Variants in TTN observed in about 807,000 individuals in gnomAD.
The protein encoded by TTN is titin.
In TTN, 1,525 loss-of-function variants were observed where a neutral mutation model predicts 3,223.0. That is an observed-to-expected ratio of 0.47 (90% CI 0.45 to 0.49). The LOEUF is 0.49. TTN is among the 20% of genes least tolerant of loss of function. TTN has a pLI of 0.00. For missense variants in TTN, 40,786 were observed against 43,424.0 expected (o/e 0.94, Z 5.40); for synonymous variants, 14,094 against 15,161.0 (o/e 0.93, Z 5.17).
chr2:178,712,046 G>A lies in TTN; in HGVS notation c.27784C>T (p.Leu9262=). ...KMHFRNNVAT[L]VFNQVDINDS... The stretch of plus-strand genomic sequence containing the variant: ...TTAATATCAACCTGGTTGAAAACCA[G>A]TGTAGCAACATTATTCCTAAAATGC... Residue 9262 remains leucine (L), a synonymous_variant, in exon 96 of 363, where the codon CTG becomes TTG. Coordinates refer to ENST00000589042, the MANE Select transcript of TTN (RefSeq NM_001267550.2). 1 of 1,613,830 alleles carries A rather than the reference G, an allele frequency of 6.2e-7. No individual in the cohort carries two copies. Among genetic ancestry groups the A allele is most frequent in the Non-Finnish European group, 8.5e-7 (1 of 1,179,784 alleles).
chr2:178,647,227 C>A (rs1247283203), intron 214 of TTN, 83 bp from the exon 215 acceptor site: 39 of 1,135,968 alleles, frequency 3.4e-5, no homozygotes, highest in Non-Finnish European at 4.7e-5. Flanking sequence ...AACCTAGTTA[C>A]ATTAAGTAAC....
At chr2:178,652,212 C>T in intron 203 of TTN, 33 bp from the exon 204 acceptor site, 2 of 1,612,526 alleles carry the variant, frequency 1.2e-6, no homozygotes, top group Non-Finnish European at 1.7e-6. Context: ...CATTGTTAGA[C>T]AAAGTAAAGA....
At chr2:178,689,407 A>C (rs749187316) in intron 123 of TTN, 34 bp from the exon 124 acceptor site, 1 of 1,611,174 alleles carries the variant, frequency 6.2e-7, no homozygotes, top group Non-Finnish European at 8.5e-7. Flanking sequence ...AAAATTTGTC[A>C]AAAAGGCCAA....
chr2:178,651,609 G>C (rs994718321), intron 206 of TTN, 57 bp downstream of exon 206: 2 of 1,611,780 alleles, frequency 1.2e-6, no homozygotes, highest in Non-Finnish European at 8.5e-7. Flanking sequence ...CAGAACAGTA[G>C]AATATGACAC....
In TTN at chr2:178,595,800, CCTGGAACAT is replaced by C; in HGVS notation, c.57545_57553del (p.Asp19182_Pro19184del). 4 of 1,597,744 alleles carry C rather than the reference CCTGGAACAT, an allele frequency of 2.5e-6. No individual in the cohort carries two copies. Among genetic ancestry groups the C allele is most frequent in the Non-Finnish European group, 3.4e-6 (4 of 1,172,292 alleles). On this transcript the variant is annotated inframe_deletion and splice_region_variant, in exon 295 of 363. Transcript: ENST00000589042. ...AGCTAGGAATGGTGTTCCAACGGGACCTGGAACATCTGGAAATAAGAAGAAAATAATTCA... is the reference window on the plus strand; with the variant it reads ...AGCTAGGAATGGTGTTCCAACGGGACCTGGAAATAAGAAGAAAATAATTCA...
intron 217 of TTN, among the ~76,000 whole-genome samples, chr2:178,645,541 A>G (rs2061804111): frequency 6.6e-6 from 1 of 152,138 alleles, no homozygotes; most frequent in Non-Finnish European, 1.5e-5. Context: ...TTACTGCAAT[A>G]TTAAAAATAT....
Position 178,731,096 on chromosome 2 carries a change from A to G in TTN, c.17569T>C (p.Phe5857Leu), listed in dbSNP as rs779004240. The change falls in exon 60 of 363, where the codon TTT (phenylalanine) becomes CTT (leucine). Residue 5857 changes from phenylalanine to leucine, a missense_variant. Coordinates refer to ENST00000589042, the MANE Select transcript of TTN (RefSeq NM_001267550.2). ...SGTKEITAKW[F>L]KDGQELTLGS... ...AGGGTCAGTTCTTGGCCATCTTTAA[A>G]CCATTTGGCTGTAATCTCCTTAGTC... 7 of 1,613,610 alleles carry G rather than the reference A, an allele frequency of 4.3e-6. No homozygotes were observed. In the Admixed American group the frequency reaches 1.2e-4, roughly 27 times the overall value.
chr2:178,748,451 G>C lies in TTN; in HGVS notation c.11311+4673C>G, dbSNP rs774529864. The C allele has an allele frequency of 4.3e-6, 7 of 1,612,990 alleles. No individual in the cohort carries two copies. Among genetic ancestry groups the C allele is most frequent in the South Asian group, 2.2e-5 (2 of 91,062 alleles). ...GTCAGGTTGTAACGTTTCAGGGCTAGGAATTTTTTCTTTATAATGTATTTC... is the reference window on the plus strand; with the variant it reads ...GTCAGGTTGTAACGTTTCAGGGCTACGAATTTTTTCTTTATAATGTATTTC... On this transcript the variant is annotated intron_variant, in intron 47 of 362. Coordinates refer to ENST00000589042, the MANE Select transcript of TTN (RefSeq NM_001267550.2).
At chr2:178,641,585 C>A in intron 219 of TTN, 1 of 229,552 alleles carries the variant, frequency 4.4e-6, no homozygotes, top group Non-Finnish European at 8.3e-6. Context: ...GAAACAGCTC[C>A]AACACAAAAT....
At chr2:178,686,902 T>C (rs944896356) in intron 127 of TTN, among the ~76,000 whole-genome samples, 7 of 152,258 alleles carry the variant, frequency 4.6e-5, no homozygotes, top group South Asian at 2.1e-4. Flanking sequence ...AATCAGACTA[T>C]GTTTGGTTTT....
Position 178,548,776 on chromosome 2 carries a change from T to G in TTN, c.92850A>C (p.Gln30950His). Reference sequence around the variant, plus strand: ...ACACAGCTGTAGGAGTAGGTCTACCTTGGTAGGCAATGAAGAGGCGAATAC... The same window carrying G: ...ACACAGCTGTAGGAGTAGGTCTACCGTGGTAGGCAATGAAGAGGCGAATAC... ...GASIRLFIAY[Q>H]GRPTPTAVWS... Residue 30950 changes from glutamine to histidine, a missense_variant, in exon 339 of 363, where the codon CAA becomes CAC. Physicochemically the swap from Gln to His is conservative, Grantham distance 24. Coordinates refer to ENST00000589042, the MANE Select transcript of TTN (RefSeq NM_001267550.2). The surrounding 1 kb of genome is among the most constrained non-coding windows in gnomAD (Gnocchi z 4.3). 3.7e-6 allele frequency: 6 copies of G among 1,613,256 alleles called. No individual in the cohort carries two copies. Among genetic ancestry groups the G allele is most frequent in the Non-Finnish European group, 5.1e-6 (6 of 1,179,792 alleles).
chr2:178,686,643 G>A (rs989035727), intron 127 of TTN, among the ~76,000 whole-genome samples: 1 of 151,820 alleles, frequency 6.6e-6, no homozygotes, highest in African/African-American at 2.4e-5. Context: ...TTGAACTCCT[G>A]TGCTCAAGCA....
At position 178,579,104 on chromosome 2, in the gene TTN, G is replaced by A. The variant is rs1337331780; in HGVS notation, c.67926C>T (p.Gly22642=). 6.2e-7 allele frequency: 1 copy of A among 1,613,224 alleles called. No homozygotes were observed. Among genetic ancestry groups the A allele is most frequent in the Non-Finnish European group, 8.5e-7 (1 of 1,179,572 alleles). The change falls in exon 320 of 363, where the codon GGC becomes GGT. Residue 22642 remains glycine (G), a synonymous_variant. Transcript: ENST00000589042. ...TTGGTCCAGTGGGGATGCCAGGCTTGCCAACAACCTTTATGGAGATAGTTC... is the reference window on the plus strand; with the variant it reads ...TTGGTCCAGTGGGGATGCCAGGCTTACCAACAACCTTTATGGAGATAGTTC... ...KEGTISIKVV[G]KPGIPTGPIK... is the part of the protein sequence containing the mutation.
At chr2:178,751,241 A>T (rs781010724) in intron 47 of TTN, 1 of 1,608,468 alleles carries the variant, frequency 6.2e-7, no homozygotes, top group South Asian at 1.1e-5. Flanking sequence ...CGTATCTAAA[A>T]GAGATAATTT....
At position 178,587,989 on chromosome 2, in the gene TTN, C is replaced by T. The variant is rs765307639; in HGVS notation, c.63418G>A (p.Glu21140Lys). ...TGGGCACACACCCTGAACTCATATTCCTGGTTTTCATCCAAGCTGGTAACA... is the reference window on the plus strand; with the variant it reads ...TGGGCACACACCCTGAACTCATATTTCTGGTTTTCATCCAAGCTGGTAACA... ...FTVTSLDENQ[E>K]YEFRVCAQNQ... Residue 21140 changes from glutamate to lysine, a missense_variant, in exon 305 of 363, where the codon GAA becomes AAA. Coordinates refer to ENST00000589042, the MANE Select transcript of TTN (RefSeq NM_001267550.2). The T allele has an allele frequency of 1.9e-6, 3 of 1,612,402 alleles. No homozygotes were observed. The highest frequency in any genetic ancestry group is 1.3e-5 in the African/African-American group (1 of 74,862).
rs750033975 is a variant in TTN, at chr2:178,688,754, A to G, written c.32120T>C (p.Val10707Ala). The G allele has an allele frequency of 6.2e-7, 1 of 1,612,916 alleles. No homozygotes were observed. The highest frequency in any genetic ancestry group is 1.3e-5 in the African/African-American group (1 of 74,914). Residue 10707 changes from valine (V) to alanine (A), a missense_variant, in exon 126 of 363, where the codon GTA becomes GCA. By Grantham distance (64) the Val-to-Ala change is moderately conservative. Coordinates refer to ENST00000589042, the MANE Select transcript of TTN (RefSeq NM_001267550.2). ...TTCAGCAACAAATCTCTTTTCTTCT[A>G]CAACAGTTTTCTTAGAGACTTCAGC... ...PRAEVSKKTV[V>A]EEKRFVAEEK...
Position 178,590,564 on chromosome 2 carries a change from T to C in TTN, c.61161A>G (p.Thr20387=), listed in dbSNP as rs1576089893. 3.7e-6 allele frequency: 6 copies of C among 1,612,632 alleles called. No individual in the cohort carries two copies. The highest frequency in any genetic ancestry group is 5.1e-6 in the Non-Finnish European group (6 of 1,179,256). ...NPKLKDKSRE[T]ADLVWTKPLS... is the part of the protein sequence containing the mutation. Reference sequence around the variant, plus strand: ...GAGGCTTTGTCCACACCAAATCAGCTGTTTCTCTGCTCTTGTCTTTCAGTT... The same window carrying C: ...GAGGCTTTGTCCACACCAAATCAGCCGTTTCTCTGCTCTTGTCTTTCAGTT... The change falls in exon 304 of 363, where the codon ACA becomes ACG. Residue 20387 remains threonine (T), a synonymous_variant. Transcript: ENST00000589042.
Position 178,633,495 on chromosome 2 carries a change from G to T in TTN, c.42864C>A (p.Ile14288=), listed in dbSNP as rs776390530. ...KADGLRRILK[I]KKADLKDKGE... ...CTTTATCTTTAAGGTCCGCCTTTTT[G>T]ATTTTTAAGATGCGGCGCAGGCCAT... Residue 14288 remains isoleucine, a synonymous_variant, in exon 232 of 363, where the codon ATC becomes ATA. Transcript: ENST00000589042. 6.2e-7 allele frequency: 1 copy of T among 1,613,132 alleles called. No homozygotes were observed. The highest frequency in any genetic ancestry group is 8.5e-7 in the Non-Finnish European group (1 of 1,179,582).
intron 135 of TTN, among the ~76,000 whole-genome samples, chr2:178,682,482 A>G (rs2069677281): frequency 6.6e-6 from 1 of 152,094 alleles, no homozygotes; most frequent in Non-Finnish European, 1.5e-5. Flanking sequence ...TCCCGGAACA[A>G]AAGTCTAACA....
Sources: allele counts gnomAD v4.1 joint callset (sites outside exome capture counted in the v4.1 genomes callset), GRCh38; gene constraint gnomAD v4.1.1; non-coding constraint Gnocchi (gnomAD v3.1); transcripts MANE v1.5; gene names NCBI Gene and HGNC (gene_info 2026-07-23, HGNC 2026-07-21).